Variants in NCKAP5 observed in about 807,000 individuals in gnomAD.
NCKAP5 encodes NCK associated protein 5.
Under a neutral mutation model 167.0 loss-of-function variants are expected in NCKAP5, and 92 were observed. The observed-to-expected ratio is 0.55, with a 90% CI of 0.47 to 0.66. NCKAP5 has a LOEUF of 0.66. Among genes scored for constraint, NCKAP5 ranks in the 30% least tolerant of loss-of-function variants. The pLI is 0.00. For missense variants in NCKAP5, 2,378 were observed against 2,315.0 expected, an observed-to-expected ratio of 1.03 and a Z score of -0.56; for synonymous variants, 891 against 877.4, an observed-to-expected ratio of 1.02 and a Z score of -0.27.
At chr2:133,050,639 A>G (rs1317824520) in intron 6 of NCKAP5, among the ~76,000 whole-genome samples, 1 of 152,206 alleles carries the variant, frequency 6.6e-6, no homozygotes, top group Non-Finnish European at 1.5e-5. Flanking sequence ...GCACATTATC[A>G]ATGCTGCTAT....
At chr2:133,524,811 CT>C (rs1197861268) in intron 2 of NCKAP5, among the ~76,000 whole-genome samples, 1 of 152,164 alleles carries the variant, frequency 6.6e-6, no homozygotes, top group African/African-American at 2.4e-5. Flanking sequence ...GATATATCAG[CT>C]CAATAACTTT....
At chr2:132,854,836 G>A (rs1323694528) in intron 11 of NCKAP5, among the ~76,000 whole-genome samples, 1 of 152,172 alleles carries the variant, frequency 6.6e-6, no homozygotes, top group African/African-American at 2.4e-5. Flanking sequence ...GTGGGCAGGA[G>A]TAGAGTAGCA....
At chr2:133,354,564 G>C (rs1246924390) in intron 3 of NCKAP5, among the ~76,000 whole-genome samples, 1 of 152,204 alleles carries the variant, frequency 6.6e-6, no homozygotes, top group African/African-American at 2.4e-5. Flanking sequence ...AGATAAGAAG[G>C]TTCTAAAGGA....
chr2:133,562,879 TGG>T (rs2105028024), intron 1 of NCKAP5, among the ~76,000 whole-genome samples: 1 of 152,338 alleles, frequency 6.6e-6, no homozygotes, highest in African/African-American at 2.4e-5. Context: ...TGTAAATGTG[TGG>T]GTAATGTTCT....
At position 132,796,693 on chromosome 2, in the gene NCKAP5, C is replaced by A; in HGVS notation, c.844G>T (p.Asp282Tyr). The change falls in exon 12 of 20, where the codon GAT becomes TAT. Residue 282 changes from aspartate to tyrosine, a missense_variant. This residue lies in a region of NCKAP5 where 1,049 missense variants were observed against 1,023.4 expected (regional missense o/e 1.02). Transcript: ENST00000409261. ...HSRLLDLSSG[D>Y]LLSEVERNRS... is the part of the protein sequence containing the mutation. ...TTTCTTTCCACCTCTGAAAGCAAAT[C>A]TCCAGATGAAAGATCCAAGAGACGT... is the stretch of plus-strand genomic sequence containing the variant. 6.2e-7 allele frequency: 1 copy of A among 1,613,358 alleles called. No individual in the cohort carries two copies. The highest frequency in any genetic ancestry group is 8.5e-7 in the Non-Finnish European group (1 of 1,179,628).
At chr2:133,112,141 T>C (rs1249526402) in intron 6 of NCKAP5, among the ~76,000 whole-genome samples, 2 of 152,194 alleles carry the variant, frequency 1.3e-5, no homozygotes, top group Non-Finnish European at 2.9e-5. Context: ...ACTGGTCTTA[T>C]GACCTTAGCC....
intron 9 of NCKAP5, among the ~76,000 whole-genome samples, chr2:132,870,816 C>T (rs539972603): frequency 1.3e-5 from 2 of 151,498 alleles, no homozygotes; most frequent in South Asian, 4.2e-4. Context: ...TTCACAACAG[C>T]TGGCTACCAG....
At chr2:133,310,302 T>G (rs1015287545) in intron 3 of NCKAP5, among the ~76,000 whole-genome samples, 2 of 152,322 alleles carry the variant, frequency 1.3e-5, no homozygotes, top group African/African-American at 4.8e-5. Flanking sequence ...AGTCCCAGCT[T>G]GAACAGATCC....
At chr2:132,768,801 G>A (rs1399037651) in intron 16 of NCKAP5, among the ~76,000 whole-genome samples, 46 of 151,304 alleles carry the variant, frequency 3.0e-4, no homozygotes, top group African/African-American at 9.7e-4. Context: ...CACCACGCCC[G>A]GCTAATTTTT....
chr2:133,653,260 C>T, the NCKAP5 span, among the ~76,000 whole-genome samples: 2 of 152,206 alleles, frequency 1.3e-5, no homozygotes, highest in African/African-American at 2.4e-5. Context: ...CTCCTTTACT[C>T]TGCCAATAAT....
the NCKAP5 span, among the ~76,000 whole-genome samples, chr2:133,663,172 A>G: frequency 6.6e-6 from 1 of 151,520 alleles, no homozygotes; most frequent in South Asian, 2.1e-4. Context: ...AGGCTGAGGC[A>G]GGAGAATGGC....
At chr2:133,465,694 T>G (rs200529535) in intron 3 of NCKAP5, among the ~76,000 whole-genome samples, 6 of 151,978 alleles carry the variant, frequency 3.9e-5, no homozygotes, top group South Asian at 2.1e-4. Context: ...TTTTAATGAT[T>G]GCCATTCTAA....
intron 19 of NCKAP5, among the ~76,000 whole-genome samples, chr2:132,676,789 TA>T (rs1684554302): frequency 6.6e-6 from 1 of 152,092 alleles, no homozygotes; most frequent in Non-Finnish European, 1.5e-5. Flanking sequence ...GTGCATAGAT[TA>T]TATGTTTCCA....
At chr2:133,253,314 A>G (rs139418451) in intron 4 of NCKAP5, among the ~76,000 whole-genome samples, 2,303 of 152,362 alleles carry the variant, frequency 0.015, 39 homozygotes, top group Non-Finnish European at 0.02. Context: ...GGACCTTTAC[A>G]TAACTTACTT....
At chr2:132,861,179 T>C (rs557221874) in intron 10 of NCKAP5, among the ~76,000 whole-genome samples, 4 of 152,158 alleles carry the variant, frequency 2.6e-5, no homozygotes, top group Non-Finnish European at 4.4e-5. Context: ...TCTGAACTCA[T>C]GGATTTCCAT....
chr2:133,006,249 A>G (rs918195432), intron 6 of NCKAP5, among the ~76,000 whole-genome samples: 1 of 152,164 alleles, frequency 6.6e-6, no homozygotes, highest in Non-Finnish European at 1.5e-5. Flanking sequence ...ACAGAGTGAG[A>G]CTCTGTCTCA....
chr2:133,028,176 C>T (rs983988241), intron 6 of NCKAP5, among the ~76,000 whole-genome samples: 3 of 152,140 alleles, frequency 2.0e-5, no homozygotes, highest in Admixed American at 6.5e-5. Flanking sequence ...TCTTGTATTA[C>T]TGTCCTTAAC....
At chr2:133,132,460 T>C (rs981491341) in intron 5 of NCKAP5, among the ~76,000 whole-genome samples, 3 of 143,804 alleles carry the variant, frequency 2.1e-5, no homozygotes, top group African/African-American at 8.1e-5. Context: ...TATTTATGCC[T>C]TTTAAAACAT....
intron 11 of NCKAP5, among the ~76,000 whole-genome samples, chr2:132,830,048 A>C (rs893572588): frequency 2.0e-5 from 3 of 152,100 alleles, no homozygotes; most frequent in African/African-American, 7.2e-5. Context: ...ATAAAACACA[A>C]GCTTTCTGCT....
Sources: gnomAD v4.1 joint callset for allele counts (sites outside exome capture counted in the v4.1 genomes callset) on GRCh38, gnomAD v4.1.1 for gene constraint, gnomAD v4.1.1 regional missense constraint, MANE v1.5 for transcripts, NCBI Gene and HGNC (gene_info 2026-07-23, HGNC 2026-07-21) for gene names.